XXYLT1: variants seen among roughly 807,000 people sequenced by gnomAD.
The protein encoded by XXYLT1 is xyloside xylosyltransferase 1.
XXYLT1 carries 20 observed loss-of-function variants against 28.9 expected under a neutral mutation model. The observed-to-expected ratio is 0.69, with a 90% CI of 0.49 to 1.00. The LOEUF is 1.00. XXYLT1 is among the 50% of genes least tolerant of loss of function. The pLI, the probability that XXYLT1 is intolerant of heterozygous loss-of-function variation, is 0.00. For missense variants in XXYLT1, 542 were observed against 560.1 expected (o/e 0.97, Z 0.33); for synonymous variants, 257 against 253.8 (o/e 1.01, Z -0.12).
chr3:195,110,343 GT>G (rs1264323367), intron 3 of XXYLT1, among the ~76,000 whole-genome samples: 116 of 5,122 alleles, frequency 0.023, no homozygotes, highest in East Asian at 0.09. Flanking sequence ...GTGTATGTGT[GT>G]GGTGTGTGGT....
intron 2 of XXYLT1, among the ~76,000 whole-genome samples, chr3:195,157,906 T>C (rs1720688680): frequency 1.3e-5 from 2 of 152,194 alleles, no homozygotes; most frequent in South Asian, 2.1e-4. Context: ...AGCTGTTCCA[T>C]TGGCTAAAAT....
chr3:195,134,483 G>C lies in XXYLT1; in HGVS notation c.785+21966C>G, dbSNP rs115932131. 617 of 155,034 alleles carry C rather than the reference G, an allele frequency of 4.0e-3. 5 individuals are homozygous for C. Among genetic ancestry groups the C allele is most frequent in the African/African-American group, 0.014 (589 of 41,628 alleles). The allele number at this position is 155,034 out of a possible 1,614,324, so 9.6% of individuals were successfully genotyped here. A position where few individuals can be genotyped will look rare whatever the true frequency, so the allele number is the denominator to read the frequency against. On this transcript the variant is annotated intron_variant, in intron 3 of 3. Coordinates refer to ENST00000310380, the MANE Select transcript of XXYLT1 (RefSeq NM_152531.5). The stretch of plus-strand genomic sequence containing the variant: ...TACCCCTGTGTTATAGCTGCCTACA[G>C]TGTTCAGTACAGAAACATGTTGTAC...
chr3:195,175,631 C>T lies in XXYLT1; in HGVS notation c.653-19050G>A, dbSNP rs1391809755. On this transcript the variant is annotated intron_variant, in intron 2 of 3. Transcript: ENST00000310380. ...AGTAACAGACATCGCTAGTGCTCACCCGCACTCTGCCTTCCTGGATCCTTG... is the reference window on the plus strand; with the variant it reads ...AGTAACAGACATCGCTAGTGCTCACTCGCACTCTGCCTTCCTGGATCCTTG... 2.0e-6 allele frequency: 3 copies of T among 1,536,014 alleles called. No homozygotes were observed. In the African/African-American group the frequency reaches 4.1e-5, roughly 21 times the overall value.
chr3:195,190,744 G>C (rs1722387421), intron 2 of XXYLT1, among the ~76,000 whole-genome samples: 1 of 151,926 alleles, frequency 6.6e-6, no homozygotes, highest in Non-Finnish European at 1.5e-5. Context: ...TAATAAATAT[G>C]AAAATAATAG....
intron 2 of XXYLT1, chr3:195,183,754 C>G (rs1421758142): frequency 6.6e-6 from 1 of 152,280 alleles, no homozygotes; most frequent in Non-Finnish European, 1.5e-5. Context: ...AGCCCAGAAC[C>G]CAACTGTTAC....
intron 2 of XXYLT1, 149 bp from the exon 3 acceptor site, chr3:195,156,730 G>T: frequency 9.6e-7 from 1 of 1,044,718 alleles, no homozygotes; most frequent in Non-Finnish European, 1.4e-6. Context: ...GGAACAAAAG[G>T]CCTTTCATCT....
At chr3:195,112,791 A>G (rs1472043915) in intron 3 of XXYLT1, among the ~76,000 whole-genome samples, 2 of 149,512 alleles carry the variant, frequency 1.3e-5, no homozygotes, top group African/African-American at 2.5e-5. Flanking sequence ...GCACACACGC[A>G]GCTCCCAGCC....
chr3:195,118,094 GC>G (rs924442703), intron 3 of XXYLT1, among the ~76,000 whole-genome samples: 3 of 152,282 alleles, frequency 2.0e-5, no homozygotes, highest in African/African-American at 7.2e-5. Context: ...CAGAGATAAT[GC>G]CCCCCTGGGC....
intron 1 of XXYLT1, among the ~76,000 whole-genome samples, chr3:195,247,619 G>A (rs938450053): frequency 6.6e-6 from 1 of 152,218 alleles, no homozygotes; most frequent in African/African-American, 2.4e-5. Flanking sequence ...TGGAGCCCAA[G>A]GGGGAGAGCC....
intron 3 of XXYLT1, among the ~76,000 whole-genome samples, chr3:195,097,990 G>A (rs371184223): frequency 1.3e-5 from 2 of 152,140 alleles, no homozygotes; most frequent in South Asian, 2.1e-4. Context: ...CCCAGCAGTG[G>A]GGCGGGTCGG....
At chr3:195,146,874 C>T (rs1201429105) in intron 3 of XXYLT1, 4 of 153,662 alleles carry the variant, frequency 2.6e-5, no homozygotes, top group African/African-American at 7.2e-5. Flanking sequence ...GGTGGTCCCC[C>T]GTTCCCAGGA....
intron 3 of XXYLT1, among the ~76,000 whole-genome samples, chr3:195,117,817 G>A (rs1237033457): frequency 6.6e-6 from 1 of 152,222 alleles, no homozygotes. Context: ...GTAAAGGTCA[G>A]TGGCCATCTC....
intron 2 of XXYLT1, among the ~76,000 whole-genome samples, chr3:195,172,156 C>A (rs142265196): frequency 7.2e-5 from 11 of 152,316 alleles, no homozygotes; most frequent in African/African-American, 2.2e-4. Context: ...GTCAAAAGCA[C>A]TTCTAGCCCA....
In XXYLT1 at chr3:195,115,837, G is replaced by C. The variant is rs537516466; in HGVS notation, c.785+40612C>G. Reference sequence around the variant, plus strand: ...TCAGAGGGCGAGAGGGTCTGATGGGGGCAGCTCTGTATGAAAACTGGAGGC... The same window carrying C: ...TCAGAGGGCGAGAGGGTCTGATGGGCGCAGCTCTGTATGAAAACTGGAGGC... On this transcript the variant is annotated intron_variant, in intron 3 of 3. Transcript: ENST00000310380. The surrounding 1 kb of genome is among the most constrained non-coding windows in gnomAD (Gnocchi z 4.2). Among the ~76,000 whole-genome samples, 30 of 152,242 alleles carry C rather than the reference G, an allele frequency of 2.0e-4. No individual in the cohort carries two copies. Among genetic ancestry groups the C allele is most frequent in the African/African-American group, 7.0e-4 (29 of 41,538 alleles).
chr3:195,194,780 C>T (rs1226316249), intron 2 of XXYLT1, among the ~76,000 whole-genome samples: 1 of 152,068 alleles, frequency 6.6e-6, no homozygotes, highest in African/African-American at 2.4e-5. Context: ...TCAAGAACAA[C>T]ATTATGCTAA....
chr3:195,215,549 C>A (rs9681646), intron 2 of XXYLT1, among the ~76,000 whole-genome samples: 3 of 130,288 alleles, frequency 2.3e-5, no homozygotes, highest in Non-Finnish European at 4.8e-5. Flanking sequence ...AGACTTTAAA[C>A]CAACAAAGAT....
intron 2 of XXYLT1, among the ~76,000 whole-genome samples, chr3:195,204,829 C>T (rs374769632): frequency 5.9e-5 from 9 of 152,348 alleles, no homozygotes; most frequent in Admixed American, 2.6e-4. Flanking sequence ...TACAGCCCTC[C>T]GCTAAGATTC....
intron 3 of XXYLT1, among the ~76,000 whole-genome samples, chr3:195,128,293 G>A (rs1874100): frequency 0.12 from 18,940 of 152,070 alleles, 1,704 homozygotes; most frequent in East Asian, 0.42. Context: ...CCACCAGGGC[G>A]CCCAAGCCAG....
intron 2 of XXYLT1, among the ~76,000 whole-genome samples, chr3:195,224,363 A>G (rs1723958340): frequency 6.6e-6 from 1 of 152,204 alleles, no homozygotes; most frequent in Non-Finnish European, 1.5e-5. Context: ...CTCTAGCCAG[A>G]GCCTTTTCTC....
Sources: gnomAD v4.1 joint callset for allele counts (sites outside exome capture counted in the v4.1 genomes callset) on GRCh38, gnomAD v4.1.1 for gene constraint, Gnocchi (gnomAD v3.1) non-coding constraint, MANE v1.5 for transcripts, NCBI Gene and HGNC (gene_info 2026-07-23, HGNC 2026-07-21) for gene names.